Variants in DDX50 observed in about 807,000 individuals in gnomAD.
DDX50 encodes the protein DExD-box helicase 50, also known as ATP-dependent RNA helicase DDX50.
In DDX50, 56 loss-of-function variants were observed where a neutral mutation model predicts 94.8. The ratio of observed to expected loss-of-function variants is 0.59; its 90% CI spans 0.48 to 0.74. The LOEUF is 0.74. DDX50 is among the 30% of genes least tolerant of loss of function. The pLI, the probability that DDX50 is intolerant of heterozygous loss-of-function variation, is 0.00. For missense variants in DDX50, 713 were observed against 881.2 expected (o/e 0.81, Z 2.42); for synonymous variants, 264 against 295.4 (o/e 0.89, Z 1.09).
intron 7 of DDX50, among the ~76,000 whole-genome samples, chr10:68,917,088 T>TG (rs1480038653): frequency 2.6e-5 from 4 of 152,330 alleles, no homozygotes; most frequent in African/African-American, 9.6e-5. Context: ...TTCTTGACGT[T>TG]GCTACTGATT....
intron 4 of DDX50, 111 bp from the exon 5 acceptor site, chr10:68,913,051 C>A: frequency 1.3e-6 from 1 of 789,094 alleles, no homozygotes; most frequent in Non-Finnish European, 2.1e-6. Flanking sequence ...AATACTTCGA[C>A]ATTAATGTTG....
intron 1 of DDX50, among the ~76,000 whole-genome samples, chr10:68,903,015 T>G (rs186454979): frequency 3.2e-4 from 49 of 152,336 alleles, no homozygotes; most frequent in Admixed American, 1.1e-3. Context: ...TTGTAAATTC[T>G]CCAGAAATAC....
intron 2 of DDX50, 105 bp from the exon 3 acceptor site, chr10:68,910,201 AG>A: frequency 4.1e-6 from 4 of 970,478 alleles, no homozygotes; most frequent in Admixed American, 2.5e-5. Flanking sequence ...AAAAAAAAAA[AG>A]TGTTCCACTA....
intron 7 of DDX50, 57 bp downstream of exon 7, chr10:68,914,261 A>G: frequency 6.3e-7 from 1 of 1,587,448 alleles, no homozygotes; most frequent in Middle Eastern, 1.7e-4. Flanking sequence ...TACTTTTGAC[A>G]TTTGTTGAAG....
At chr10:68,902,698 G>A (rs1363729571) in intron 1 of DDX50, among the ~76,000 whole-genome samples, 1 of 151,962 alleles carries the variant, frequency 6.6e-6, no homozygotes, top group Non-Finnish European at 1.5e-5. Flanking sequence ...GTTACCTAGA[G>A]TGTAAGCAGA....
chr10:68,941,910 G>T (rs1427242903), intron 13 of DDX50, among the ~76,000 whole-genome samples: 3 of 152,098 alleles, frequency 2.0e-5, no homozygotes, highest in Non-Finnish European at 4.4e-5. Context: ...AAAGTGCTGG[G>T]ATTACAGGCG....
At chr10:68,912,006 G>C (rs1841638995) in intron 4 of DDX50, among the ~76,000 whole-genome samples, 2 of 152,136 alleles carry the variant, frequency 1.3e-5, no homozygotes, top group South Asian at 4.1e-4. Flanking sequence ...TAAGACTCCT[G>C]AGTGGTATTA....
chr10:68,921,182 CAAAA>C (rs71031805), intron 8 of DDX50, among the ~76,000 whole-genome samples: 1 of 142,058 alleles, frequency 7.0e-6, no homozygotes, highest in African/African-American at 2.6e-5. Context: ...AAAGGATTTT[CAAAA>C]AAAAAAATAA....
intron 11 of DDX50, among the ~76,000 whole-genome samples, chr10:68,936,487 T>A (rs1842411129): frequency 1.4e-4 from 2 of 14,174 alleles, no homozygotes; most frequent in Non-Finnish European, 1.2e-4. Context: ...AGACTCTGTC[T>A]CAAAAAAAAA....
intron 7 of DDX50, among the ~76,000 whole-genome samples, chr10:68,917,255 T>C (rs903544325): frequency 6.6e-6 from 1 of 151,714 alleles, no homozygotes; most frequent in African/African-American, 2.4e-5. Context: ...AGGTCAGGAG[T>C]TCGAGACCAG....
chr10:68,911,865 G>A (rs1841634535), intron 4 of DDX50: 1 of 152,154 alleles, frequency 6.6e-6, no homozygotes, highest in Admixed American at 6.6e-5. Context: ...TCAACCAACA[G>A]AGAGGACTAG....
At chr10:68,910,934 G>A in intron 3 of DDX50, 134 bp from the exon 4 acceptor site, 1 of 584,266 alleles carries the variant, frequency 1.7e-6, no homozygotes, top group East Asian at 3.2e-5. Context: ...CTTGTTTGTG[G>A]TAGGAATAAC....
intron 8 of DDX50, among the ~76,000 whole-genome samples, chr10:68,922,838 A>AGTGTAGTG (rs1393406427): frequency 7.4e-6 from 1 of 134,320 alleles, no homozygotes; most frequent in Non-Finnish European, 1.5e-5. Flanking sequence ...CCCAGGCTGG[A>AGTGTAGTG]GTGTAGTGGT....
intron 7 of DDX50, among the ~76,000 whole-genome samples, chr10:68,916,152 G>A (rs555074969): frequency 2.6e-5 from 4 of 151,984 alleles, no homozygotes; most frequent in Admixed American, 6.6e-5. Flanking sequence ...TCAGGAGTTC[G>A]AGACCAGCCT....
Position 68,913,227 on chromosome 10 carries a change from T to C in DDX50, c.705T>C (p.Thr235=), listed in dbSNP as rs1280899928. 7 of 1,613,388 alleles carry C rather than the reference T, an allele frequency of 4.3e-6. No individual in the cohort carries two copies. Among genetic ancestry groups the C allele is most frequent in the Admixed American group, 1.7e-5 (1 of 59,852 alleles). Residue 235 remains threonine, a synonymous_variant, in exon 5 of 15, where the codon ACT becomes ACC. Coordinates refer to ENST00000373585, the MANE Select transcript of DDX50 (RefSeq NM_024045.2). The part of the protein sequence containing the change: ...NQVAKDFKDI[T]RKLSVACFYG... ...TAGCCAAAGACTTCAAAGATATAACTAGGAAACTCAGCGTGGCGTGTTTTT... is the reference window on the plus strand; with the variant it reads ...TAGCCAAAGACTTCAAAGATATAACCAGGAAACTCAGCGTGGCGTGTTTTT...
rs1371732164 is a variant in DDX50, at chr10:68,901,484, T to C, written c.87+13T>C. 1.3e-6 allele frequency: 2 copies of C among 1,556,938 alleles called. No individual in the cohort carries two copies. The highest frequency in any genetic ancestry group is 1.9e-5 in the Admixed American group (1 of 51,502). On this transcript the variant is annotated intron_variant, in intron 1 of 14. Transcript: ENST00000373585. ...GGAGAGGCAAAAGGTGCGCTGAGCA[T>C]GGGCCGCGCCTCCTTTTGGGCTGCG...
intron 8 of DDX50, among the ~76,000 whole-genome samples, chr10:68,929,933 A>G (rs1373873471): frequency 6.7e-6 from 1 of 149,904 alleles, no homozygotes; most frequent in African/African-American, 2.5e-5. Flanking sequence ...GGGTTTTGCC[A>G]TGTTGGCCAG....
chr10:68,939,651 A>G (rs933853011), intron 12 of DDX50, among the ~76,000 whole-genome samples: 1 of 152,084 alleles, frequency 6.6e-6, no homozygotes, highest in African/African-American at 2.4e-5. Context: ...CTTCCCCTCT[A>G]ATAACCATGT....
intron 12 of DDX50, 37 bp downstream of exon 12, chr10:68,937,132 A>G: frequency 6.4e-7 from 1 of 1,558,570 alleles, no homozygotes; most frequent in Non-Finnish European, 8.7e-7. Flanking sequence ...TGAGTGGGAA[A>G]AGGTTAAAAT....
Sources: gnomAD v4.1 joint callset for allele counts (sites outside exome capture counted in the v4.1 genomes callset) on GRCh38, gnomAD v4.1.1 for gene constraint, MANE v1.5 for transcripts, NCBI Gene and HGNC (gene_info 2026-07-23, HGNC 2026-07-21) for gene names.